Variants in LRP8 observed in about 807,000 individuals in gnomAD.
The protein encoded by LRP8 is low-density lipoprotein receptor-related protein 8.
A neutral mutation model predicts 111.6 loss-of-function variants in LRP8; 46 were observed. That is an observed-to-expected ratio of 0.41 (90% confidence interval 0.33 to 0.53). The LOEUF (loss-of-function observed/expected upper bound fraction) is 0.53, where lower values mean the gene tolerates loss of function less well. Among genes scored for constraint, LRP8 ranks in the 20% least tolerant of loss-of-function variants. The probability of loss-of-function intolerance (pLI) is 0.20; values close to 1 mark genes in which losing one functional copy is unlikely to be tolerated. For missense variants in LRP8, 959 were observed against 1,297.4 expected (o/e 0.74, Z 4.01); for synonymous variants, 464 against 511.2 (o/e 0.91, Z 1.24).
rs371701830 is a variant in LRP8, at chr1:53,278,382, A to AGGT, written c.497-1307_497-1305dup. On this transcript the variant is annotated intron_variant, in intron 4 of 18. Coordinates refer to ENST00000306052, the MANE Select transcript of LRP8 (RefSeq NM_004631.5). ...GATGCAGTGGCTGTGGCCAAAGGTG[A>AGGT]GGTGGTGGTGGCAGCACCAGATCTT... 7.6e-3 allele frequency among the ~76,000 whole-genome samples: 1,155 copies of AGGT among 152,302 alleles called. 15 individuals carry two copies. Among genetic ancestry groups the AGGT allele is most frequent in the Non-Finnish European group, 0.012 (784 of 68,020 alleles).
In LRP8 at chr1:53,317,855, C is replaced by A. The variant is rs1032375461; in HGVS notation, c.244+9018G>T. On this transcript the variant is annotated intron_variant, in intron 2 of 18. Transcript: ENST00000306052. The surrounding 1 kb of genome is among the most constrained non-coding windows in gnomAD (Gnocchi z 4.9). ...GCAGAAGGGAAAGTCACCCAAGGAACCTGGGCCTCAGGGTGGAGCTCTGGA... is the reference window on the plus strand; with the variant it reads ...GCAGAAGGGAAAGTCACCCAAGGAAACTGGGCCTCAGGGTGGAGCTCTGGA... Among the ~76,000 whole-genome samples, 21 of 152,214 alleles carry A rather than the reference C, an allele frequency of 1.4e-4. No individual in the cohort carries two copies. The highest frequency in any genetic ancestry group is 2.1e-4 in the Non-Finnish European group (14 of 68,046).
Position 53,266,571 on chromosome 1 carries a change from T to A in LRP8, c.1329A>T (p.Ser443=), listed in dbSNP as rs746768552. The change falls in exon 9 of 19, where the codon TCA becomes TCT. Residue 443 remains serine, a synonymous_variant. Coordinates refer to ENST00000306052, the MANE Select transcript of LRP8 (RefSeq NM_004631.5). The surrounding 1 kb of genome is among the most constrained non-coding windows in gnomAD (Gnocchi z 5.0). The stretch of plus-strand genomic sequence containing the variant: ...CATTCTTGAGCATGGGGATGAGGCG[T>A]GAATAGTTCCGCTTCACCAGGTCGA... The part of the protein sequence containing the change: ...RRIDLVKRNY[S]RLIPMLKNVV... The A allele has an allele frequency of 1.9e-6, 3 of 1,614,098 alleles. No homozygotes were observed. The Admixed American group carries it at 5.0e-5, about 27-fold the overall frequency.
chr1:53,308,646 GCCTGCTGATTC>G (rs1652441621), intron 2 of LRP8, among the ~76,000 whole-genome samples: 1 of 152,306 alleles, frequency 6.6e-6, no homozygotes. Flanking sequence ...CCCGGACCTT[GCCTGCTGATTC>G]CCTGCTCATG....
chr1:53,284,499 T>C (rs1233324101), intron 3 of LRP8, among the ~76,000 whole-genome samples: 2 of 152,078 alleles, frequency 1.3e-5, no homozygotes, highest in African/African-American at 2.4e-5. Flanking sequence ...TCCAGAACCA[T>C]CCCCAAACTC....
chr1:53,285,484 C>T (rs905017089), intron 3 of LRP8, among the ~76,000 whole-genome samples: 1 of 152,142 alleles, frequency 6.6e-6, no homozygotes, highest in Non-Finnish European at 1.5e-5. Flanking sequence ...AAACTAAGGT[C>T]CTTAGGCAAC....
chr1:53,286,818 C>T (rs1354304807), intron 3 of LRP8, among the ~76,000 whole-genome samples: 1 of 152,268 alleles, frequency 6.6e-6, no homozygotes, highest in African/African-American at 2.4e-5. Flanking sequence ...TAATATCTAA[C>T]ACACTGTTGT....
At chr1:53,323,972 C>T (rs1654831419) in intron 2 of LRP8, among the ~76,000 whole-genome samples, 1 of 152,234 alleles carries the variant, frequency 6.6e-6, no homozygotes, top group Non-Finnish European at 1.5e-5. Context: ...TATTCAGGGG[C>T]TGCATTCTGG....
Position 53,246,773 on chromosome 1 carries a change from T to C in LRP8, c.*245A>G, listed in dbSNP as rs900942783. The C allele has an allele frequency of 9.6e-5, 47 of 488,916 alleles. No individual in the cohort carries two copies. Among genetic ancestry groups the C allele is most frequent in the Non-Finnish European group, 7.1e-6 (2 of 280,346 alleles). The allele number at this position is 488,916 out of a possible 1,614,324, so 30.3% of individuals were successfully genotyped here. A position where few individuals can be genotyped will look rare whatever the true frequency, so the allele number is the denominator to read the frequency against. ...AGCCATTCCACGAATTCCTCATGGGTAGTGCAACCAGTTAAAAAGTGTATA... is the reference window on the plus strand; with the variant it reads ...AGCCATTCCACGAATTCCTCATGGGCAGTGCAACCAGTTAAAAAGTGTATA... On this transcript the variant is annotated 3_prime_UTR_variant, in exon 19 of 19. Coordinates refer to ENST00000306052, the MANE Select transcript of LRP8 (RefSeq NM_004631.5).
chr1:53,253,706 A>G (rs1215047762), intron 16 of LRP8, among the ~76,000 whole-genome samples: 1 of 152,188 alleles, frequency 6.6e-6, no homozygotes, highest in East Asian at 1.9e-4. Context: ...TAATCACCTC[A>G]CCATCATCTT....
rs1256010479 is a variant in LRP8, at chr1:53,250,237, T to C, written c.2676+453A>G. ...CTTGGCACATAACTGGCATACAGTA[T>C]TGAAATGAATACATTTGAATTAAAT... is the stretch of plus-strand genomic sequence containing the variant. On this transcript the variant is annotated intron_variant, in intron 17 of 18. Transcript: ENST00000306052. The surrounding 1 kb of genome is among the most constrained non-coding windows in gnomAD (Gnocchi z 4.6). Among the ~76,000 whole-genome samples the C allele has an allele frequency of 2.0e-5, 3 of 152,224 alleles. No homozygotes were observed. Among genetic ancestry groups the C allele is most frequent in the Non-Finnish European group, 4.4e-5 (3 of 68,026 alleles).
intron 3 of LRP8, among the ~76,000 whole-genome samples, chr1:53,286,283 T>C (rs1344104439): frequency 2.6e-5 from 4 of 152,166 alleles, no homozygotes; most frequent in Non-Finnish European, 5.9e-5. Context: ...CCAGGCAAAA[T>C]GCTGCTAGCT....
intron 14 of LRP8, 61 bp downstream of exon 14, chr1:53,258,258 G>T (rs1646177981): frequency 1.4e-5 from 22 of 1,522,688 alleles, no homozygotes; most frequent in Non-Finnish European, 2.0e-5. Context: ...GCCAAGGGAA[G>T]ATTTCAGCAG....
At chr1:53,272,533 C>T (rs1646791391) in intron 6 of LRP8, 3 of 1,274,674 alleles carry the variant, frequency 2.4e-6, no homozygotes, top group Non-Finnish European at 3.1e-6. Flanking sequence ...AGCTGCCCAC[C>T]CCAGGCCATG....
intron 2 of LRP8, among the ~76,000 whole-genome samples, chr1:53,302,703 T>C (rs111683397): frequency 1.3e-5 from 2 of 151,694 alleles, no homozygotes; most frequent in Admixed American, 6.6e-5. Flanking sequence ...ATGCCTTTTT[T>C]TTTTTTTTGG....
At chr1:53,284,828 A>C (rs1194954751) in intron 3 of LRP8, among the ~76,000 whole-genome samples, 1 of 152,186 alleles carries the variant, frequency 6.6e-6, no homozygotes, top group Non-Finnish European at 1.5e-5. Flanking sequence ...AGGACTTGAG[A>C]GATCTCAGAG....
rs567252011 is a variant in LRP8 at position 53,279,217 on chromosome 1, G to A, written c.496+1370C>T. Among the ~76,000 whole-genome samples the A allele has an allele frequency of 3.9e-5, 6 of 152,216 alleles. No individual in the cohort carries two copies. Among genetic ancestry groups the A allele is most frequent in the Admixed American group, 6.5e-5 (1 of 15,290 alleles). ...CTCCTAGCACTCACAAACGGAAGAA[G>A]CTCTGAGAGATGAGGGGTGGGAGGA... On this transcript the variant is annotated intron_variant, in intron 4 of 18. Transcript: ENST00000306052. The surrounding 1 kb of genome is among the most constrained non-coding windows in gnomAD (Gnocchi z 4.4).
At chr1:53,299,772 C>T (rs900842922) in intron 2 of LRP8, among the ~76,000 whole-genome samples, 1 of 152,264 alleles carries the variant, frequency 6.6e-6, no homozygotes, top group Non-Finnish European at 1.5e-5. Flanking sequence ...GTCTGCCACT[C>T]CTGGCCTGGA....
chr1:53,307,513 T>C (rs1172758769), intron 2 of LRP8: 1 of 152,294 alleles, frequency 6.6e-6, no homozygotes, highest in Non-Finnish European at 1.5e-5. Flanking sequence ...GCGCATGTAC[T>C]TGCAGATGGG....
intron 2 of LRP8, among the ~76,000 whole-genome samples, chr1:53,309,722 C>A (rs1016925308): frequency 6.6e-6 from 1 of 152,140 alleles, no homozygotes; most frequent in African/African-American, 2.4e-5. Context: ...TGTCAGGCTC[C>A]GGGGATGAGA....
Sources: gnomAD v4.1 joint callset for allele counts (sites outside exome capture counted in the v4.1 genomes callset) on GRCh38, gnomAD v4.1.1 for gene constraint, Gnocchi (gnomAD v3.1) non-coding constraint, MANE v1.5 for transcripts, NCBI Gene and HGNC (gene_info 2026-07-23, HGNC 2026-07-21) for gene names.